LMOD1: variants seen among roughly 807,000 people sequenced by gnomAD.
LMOD1 encodes leiomodin 1.
Under a neutral mutation model 36.5 loss-of-function variants are expected in LMOD1, and 8 were observed. The observed-to-expected ratio is 0.22, with a 90% CI of 0.13 to 0.40. LMOD1 has a LOEUF of 0.40. LMOD1 is among the 10% of genes least tolerant of loss of function. The probability of loss-of-function intolerance (pLI) is 1.00; values close to 1 mark genes in which losing one functional copy is unlikely to be tolerated. For missense variants in LMOD1, 630 were observed against 751.1 expected (o/e 0.84, Z 1.88); for synonymous variants, 284 against 288.7 (o/e 0.98, Z 0.17).
chr1:201,904,712 G>A (rs546162566), intron 1 of LMOD1, among the ~76,000 whole-genome samples: 1 of 152,324 alleles, frequency 6.6e-6, no homozygotes, highest in East Asian at 1.9e-4. Flanking sequence ...GGGGTGGGAG[G>A]GAAAGGGTTG....
At position 201,897,503 on chromosome 1, in the gene LMOD1, T is replaced by G. The variant is rs1459288671; in HGVS notation, c.*869A>C. The G allele has an allele frequency of 2.0e-5, 3 of 152,754 alleles. No individual in the cohort carries two copies. The highest frequency in any genetic ancestry group is 7.2e-5 in the African/African-American group (3 of 41,428). 9.5% of individuals were successfully genotyped at this position (152,754 alleles called of 1,614,324 possible). On this transcript the variant is annotated 3_prime_UTR_variant, in exon 3 of 3. Transcript: ENST00000367288. ...TTCAGATTTTCCTCCATGCTGCACT[T>G]TCTGAGGATGTGAATTTATTTCTTG...
intron 1 of LMOD1, among the ~76,000 whole-genome samples, chr1:201,936,250 C>A (rs1682016763): frequency 6.6e-6 from 1 of 152,046 alleles, no homozygotes; most frequent in Admixed American, 6.6e-5. Flanking sequence ...CAGAAACACC[C>A]TTCTAACTGG....
intron 1 of LMOD1, among the ~76,000 whole-genome samples, chr1:201,904,202 CCTTTT>C (rs1333754637): frequency 6.6e-6 from 1 of 152,196 alleles, no homozygotes. Context: ...TTCTTTCTTT[CCTTTT>C]CTTTTCTTCT....
At chr1:201,932,782 C>T (rs1384902567) in intron 1 of LMOD1, among the ~76,000 whole-genome samples, 1 of 152,202 alleles carries the variant, frequency 6.6e-6, no homozygotes, top group Non-Finnish European at 1.5e-5. Context: ...ATGACTATCA[C>T]TTAACTTAGT....
chr1:201,941,492 C>CT (rs1203580873), intron 1 of LMOD1, among the ~76,000 whole-genome samples: 2 of 152,202 alleles, frequency 1.3e-5, no homozygotes, highest in African/African-American at 4.8e-5. Flanking sequence ...CCTCTTCACC[C>CT]TAGCCTCCAG....
chr1:201,939,055 C>A (rs568639484), intron 1 of LMOD1, among the ~76,000 whole-genome samples: 2 of 151,922 alleles, frequency 1.3e-5, no homozygotes, highest in African/African-American at 4.8e-5. Flanking sequence ...GGCCAGGCAG[C>A]GAGTAATTAC....
At chr1:201,917,894 T>C (rs2790904) in intron 1 of LMOD1, among the ~76,000 whole-genome samples, 148,687 of 152,336 alleles carry the variant, frequency 0.98, 72,680 homozygotes, top group East Asian at 1. Flanking sequence ...CCTCTCCTGT[T>C]CCTTCTAAAC....
At chr1:201,924,661 AAAAAAAAGAAAGAAAGAAAGAAAGAAAG>A (rs1681786086) in intron 1 of LMOD1, among the ~76,000 whole-genome samples, 19 of 136,836 alleles carry the variant, frequency 1.4e-4, no homozygotes, top group South Asian at 2.3e-4. Context: ...AGAAAGAAAG[AAAAAAAAGAAAGAAAGAAAGAAAGAAAG>A]AAAGAAAGAA....
At chr1:201,898,815 G>A (rs1442999667) in intron 2 of LMOD1, among the ~76,000 whole-genome samples, 1 of 152,188 alleles carries the variant, frequency 6.6e-6, no homozygotes, top group Non-Finnish European at 1.5e-5. Context: ...CTTTCGGATG[G>A]ACTGACCTGT....
chr1:201,918,282 A>T (rs552372245), intron 1 of LMOD1, among the ~76,000 whole-genome samples: 40 of 151,854 alleles, frequency 2.6e-4, no homozygotes, highest in African/African-American at 9.2e-4. Context: ...TCCCCTCACC[A>T]TTGCTGTGTT....
chr1:201,913,198 GAGTTTGT>G (rs1222365519), intron 1 of LMOD1, among the ~76,000 whole-genome samples: 11 of 152,178 alleles, frequency 7.2e-5, no homozygotes, highest in African/African-American at 2.7e-4. Flanking sequence ...GAAAGAAGTT[GAGTTTGT>G]TTTAGCAAAC....
At position 201,900,274 on chromosome 1, in the gene LMOD1, C is replaced by A. The variant is rs1429670704; in HGVS notation, c.739G>T (p.Asp247Tyr). Residue 247 changes from aspartate to tyrosine, a missense_variant, in exon 2 of 3, where the codon GAC becomes TAC. Asp to Tyr is a radical substitution (Grantham distance 160, BLOSUM62 -3). Coordinates refer to ENST00000367288, the MANE Select transcript of LMOD1 (RefSeq NM_012134.3). ...ACCTTCTCATCCTCCTTTTTCATGT[C>A]TGTGTTCCCACCTGCTCTTTTCATC... The part of the protein sequence containing the change: ...EKMKRAGGNT[D>Y]MKKEDEKVKR... 5 of 1,612,716 alleles carry A rather than the reference C, an allele frequency of 3.1e-6. No individual in the cohort carries two copies. The East Asian group carries it at 8.9e-5, about 29-fold the overall frequency.
At chr1:201,931,175 G>C (rs1409982562) in intron 1 of LMOD1, among the ~76,000 whole-genome samples, 1 of 152,184 alleles carries the variant, frequency 6.6e-6, no homozygotes, top group East Asian at 1.9e-4. Context: ...GGAGAGAAAA[G>C]ATTCTAAAAA....
intron 1 of LMOD1, among the ~76,000 whole-genome samples, chr1:201,927,717 A>G (rs1023857521): frequency 6.6e-6 from 1 of 152,220 alleles, no homozygotes; most frequent in Admixed American, 6.6e-5. Flanking sequence ...CACCTTGAGG[A>G]AACTCAGTGT....
intron 1 of LMOD1, among the ~76,000 whole-genome samples, chr1:201,904,534 G>A (rs1417293286): frequency 6.6e-6 from 1 of 152,082 alleles, no homozygotes; most frequent in Non-Finnish European, 1.5e-5. Flanking sequence ...TTTCTTCCCT[G>A]ACACCGCACA....
chr1:201,908,813 G>T (rs1571577650), intron 1 of LMOD1, among the ~76,000 whole-genome samples: 1 of 152,188 alleles, frequency 6.6e-6, no homozygotes, highest in Non-Finnish European at 1.5e-5. Flanking sequence ...AAATGGAAGG[G>T]AGTCAGGCTC....
intron 1 of LMOD1, among the ~76,000 whole-genome samples, chr1:201,940,508 T>G (rs922827196): frequency 6.6e-6 from 1 of 151,378 alleles, no homozygotes; most frequent in African/African-American, 2.4e-5. Flanking sequence ...ATACCTACTG[T>G]CCCAGTAAGG....
intron 1 of LMOD1, among the ~76,000 whole-genome samples, chr1:201,909,887 T>G (rs530534994): frequency 2.6e-5 from 4 of 152,350 alleles, no homozygotes; most frequent in African/African-American, 9.6e-5. Flanking sequence ...CTCTAGAGTC[T>G]GAACTTTTAA....
In LMOD1 at chr1:201,946,193, G is replaced by T; in HGVS notation, c.148C>A (p.Arg50=). Residue 50 remains arginine (R), a synonymous_variant, in exon 1 of 3, where the codon CGG becomes AGG. Coordinates refer to ENST00000367288, the MANE Select transcript of LMOD1 (RefSeq NM_012134.3). ...DPDGSVPVGL[R]QRNQTEKQST... Reference sequence around the variant, plus strand: ...TGTTTCTCCGTCTGGTTTCTCTGCCGCAGCCCCACGGGAACACTCCCGTCT... The same window carrying T: ...TGTTTCTCCGTCTGGTTTCTCTGCCTCAGCCCCACGGGAACACTCCCGTCT... The T allele has an allele frequency of 6.2e-7, 1 of 1,613,934 alleles. No homozygotes were observed. The highest frequency in any genetic ancestry group is 8.5e-7 in the Non-Finnish European group (1 of 1,179,876).
Sources: gnomAD v4.1 joint callset for allele counts (sites outside exome capture counted in the v4.1 genomes callset) on GRCh38, gnomAD v4.1.1 for gene constraint, MANE v1.5 for transcripts, NCBI Gene and HGNC (gene_info 2026-07-23, HGNC 2026-07-21) for gene names.